TUT4: variants seen among roughly 807,000 people sequenced by gnomAD.
TUT4 encodes terminal uridylyl transferase 4, also known as terminal uridylyltransferase 4.
TUT4 carries 36 observed loss-of-function variants against 192.2 expected under a neutral mutation model. That is an observed-to-expected ratio of 0.19 (90% CI 0.14 to 0.25). TUT4 has a LOEUF of 0.25. TUT4 is among the 10% of genes least tolerant of loss of function. The probability of loss-of-function intolerance (pLI) is 1.00; values close to 1 mark genes in which losing one functional copy is unlikely to be tolerated. For missense variants in TUT4, 1,493 were observed against 1,957.2 expected (o/e 0.76, Z 4.47); for synonymous variants, 618 against 666.0 (o/e 0.93, Z 1.11).
chr1:52,542,194 G>A (rs1427055233), intron 1 of TUT4, among the ~76,000 whole-genome samples: 1 of 152,160 alleles, frequency 6.6e-6, no homozygotes, highest in East Asian at 1.9e-4. Context: ...TAGGAAGCAA[G>A]GAAAATGAGA....
chr1:52,540,524 A>G (rs1004762086), intron 1 of TUT4, among the ~76,000 whole-genome samples: 44 of 150,980 alleles, frequency 2.9e-4, no homozygotes, highest in African/African-American at 9.1e-4. Context: ...CAAAAAAAAA[A>G]AAAGAAAGAA....
chr1:52,526,346 T>A lies in TUT4; in HGVS notation c.-66A>T. ...ATGGCAGATCTCCAGTAGTTTAAAT[T>A]GCTTCAAGTCCAGTTTAGGCAAGCA... is the stretch of plus-strand genomic sequence containing the variant. On this transcript the variant is annotated 5_prime_UTR_variant, in exon 2 of 30. Transcript: ENST00000257177. The A allele has an allele frequency of 7.4e-7, 1 of 1,348,218 alleles. No individual in the cohort carries two copies. Among genetic ancestry groups the A allele is most frequent in the African/African-American group, 1.5e-5 (1 of 66,864 alleles). 83.5% of individuals were successfully genotyped at this position (1,348,218 alleles called of 1,614,324 possible).
chr1:52,528,761 TAA>T (rs999309839), intron 1 of TUT4, among the ~76,000 whole-genome samples: 2 of 152,084 alleles, frequency 1.3e-5, no homozygotes, highest in African/African-American at 4.8e-5. Context: ...CTACCTAAAA[TAA>T]AGAGTTCACT....
chr1:52,481,991 C>G lies in TUT4; in HGVS notation c.1516-68G>C, dbSNP rs530406331. ...TAATTTTCATGATAAAAGTAGCTTG[C>G]TTTTTCCTACCCTAATCATTGTAAA... On this transcript the variant is annotated intron_variant, in intron 9 of 29. Coordinates refer to ENST00000257177, the MANE Select transcript of TUT4 (RefSeq NM_001009881.3). The G allele has an allele frequency of 9.5e-5, 127 of 1,335,046 alleles. No individual in the cohort carries two copies. The Middle Eastern group carries it at 2.0e-3, about 21-fold the overall frequency. The allele number at this position is 1,335,046 out of a possible 1,614,324, so 82.7% of individuals were successfully genotyped here.
intron 4 of TUT4, 66 bp from the exon 5 acceptor site, chr1:52,497,249 T>C (rs112683973): frequency 7.0e-7 from 1 of 1,434,400 alleles, no homozygotes; most frequent in African/African-American, 1.5e-5. Context: ...TTCTTATATT[T>C]AGCAGGGAAA....
chr1:52,445,745 T>TA (rs1337013715), intron 24 of TUT4, 42 bp downstream of exon 24: 24 of 1,449,770 alleles, frequency 1.7e-5, no homozygotes, highest in African/African-American at 2.9e-5. Context: ...TTGTTCTATT[T>TA]AAAAAAAGAA....
chr1:52,525,711 A>G lies in TUT4; in HGVS notation c.570T>C (p.Ser190=). The change falls in exon 2 of 30, where the codon TCT becomes TCC. Residue 190 remains serine, a synonymous_variant. Transcript: ENST00000257177. ...IGKKIPSSFT[S]VDKVNIEAVG... ...CAGCTTCAATATTCACTTTGTCCAC[A>G]GAAGTAAAGGAGCTTGGAATTTTTT... The G allele has an allele frequency of 6.2e-7, 1 of 1,614,180 alleles. No individual in the cohort carries two copies. Among genetic ancestry groups the G allele is most frequent in the Non-Finnish European group, 8.5e-7 (1 of 1,180,022 alleles).
rs34451806 is a variant in TUT4, at chr1:52,490,150, C to CTT, written c.1388+580_1388+581dup. ...ATTGTGAGATCCTTGAGAAGAGAGG[C>CTT]TTTTTTTTTTTTTTTTTTGAGACAG... On this transcript the variant is annotated intron_variant, in intron 8 of 29. Transcript: ENST00000257177. 4.3e-3 allele frequency among the ~76,000 whole-genome samples: 512 copies of CTT among 120,340 alleles called. 10 individuals are homozygous for CTT. Among genetic ancestry groups the CTT allele is most frequent in the Admixed American group, 9.3e-3 (100 of 10,782 alleles). 78.9% of individuals were successfully genotyped at this position (120,340 alleles called of 152,430 possible).
At chr1:52,473,094 G>A (rs961212629) in intron 13 of TUT4, among the ~76,000 whole-genome samples, 18 of 151,790 alleles carry the variant, frequency 1.2e-4, no homozygotes, top group African/African-American at 4.1e-4. Flanking sequence ...TAAGTTTCCA[G>A]GAAAAAAAGT....
chr1:52,500,532 G>A (rs529810433), intron 4 of TUT4, among the ~76,000 whole-genome samples: 2 of 152,162 alleles, frequency 1.3e-5, no homozygotes, highest in Non-Finnish European at 1.5e-5. Context: ...GGAGGCTGAG[G>A]CGGGTGGATC....
intron 27 of TUT4, chr1:52,434,952 A>G (rs1653289906): frequency 6.5e-6 from 1 of 153,134 alleles, no homozygotes; most frequent in South Asian, 2.1e-4. Flanking sequence ...ATGAGAAGAC[A>G]GAAGTTTCAT....
chr1:52,491,713 CA>C (rs543745477), intron 7 of TUT4, among the ~76,000 whole-genome samples: 2 of 149,748 alleles, frequency 1.3e-5, no homozygotes, highest in Non-Finnish European at 3.0e-5. Context: ...ATAACAACAA[CA>C]AAAAAAAACC....
chr1:52,456,624 T>C (rs1379050802), intron 20 of TUT4, among the ~76,000 whole-genome samples: 1 of 151,764 alleles, frequency 6.6e-6, no homozygotes, highest in Non-Finnish European at 1.5e-5. Flanking sequence ...TCCAACAATA[T>C]GATATTCTGG....
intron 1 of TUT4, among the ~76,000 whole-genome samples, chr1:52,549,671 AT>A (rs1285546830): frequency 3.3e-5 from 5 of 152,342 alleles, no homozygotes; most frequent in African/African-American, 1.2e-4. Flanking sequence ...TCACATATAC[AT>A]TATATTAGGA....
At chr1:52,525,508 C>A in intron 2 of TUT4, 55 bp downstream of exon 2, 1 of 1,532,782 alleles carries the variant, frequency 6.5e-7, no homozygotes, top group Non-Finnish European at 8.7e-7. Flanking sequence ...ATGGTTAAAC[C>A]GGGGATAATC....
intron 20 of TUT4, among the ~76,000 whole-genome samples, chr1:52,450,670 T>C (rs563832258): frequency 2.0e-5 from 3 of 152,268 alleles, no homozygotes; most frequent in East Asian, 3.9e-4. Context: ...ATATTATCAT[T>C]ATTACATTTT....
intron 14 of TUT4, among the ~76,000 whole-genome samples, chr1:52,470,657 AC>A (rs1270570301): frequency 2.0e-5 from 3 of 152,200 alleles, no homozygotes; most frequent in Non-Finnish European, 4.4e-5. Flanking sequence ...AAAAAAGAAT[AC>A]ATTCTGTATA....
At chr1:52,493,729 A>T in intron 6 of TUT4, 67 bp from the exon 7 acceptor site, 1 of 969,078 alleles carries the variant, frequency 1.0e-6, no homozygotes, top group East Asian at 2.5e-5. Context: ...CATTAAGGAA[A>T]ACTCAATTTC....
intron 1 of TUT4, among the ~76,000 whole-genome samples, chr1:52,538,121 A>G (rs1685455043): frequency 6.6e-6 from 1 of 152,136 alleles, no homozygotes; most frequent in Non-Finnish European, 1.5e-5. Context: ...CCATAGTCCC[A>G]GCTGCTTGGG....
Sources: allele counts gnomAD v4.1 joint callset (sites outside exome capture counted in the v4.1 genomes callset), GRCh38; gene constraint gnomAD v4.1.1; transcripts MANE v1.5; gene names NCBI Gene and HGNC (gene_info 2026-07-23, HGNC 2026-07-21).